The following CR2 variants were observed in gnomAD, a reference collection of about 807,000 sequenced individuals.
CR2 encodes complement C3d receptor 2.
CR2 carries 96 observed loss-of-function variants against 123.0 expected under a neutral mutation model. That is an observed-to-expected ratio of 0.78 (90% CI 0.66 to 0.93). The LOEUF (loss-of-function observed/expected upper bound fraction) is 0.93, where lower values mean the gene tolerates loss of function less well. Among genes scored for constraint, CR2 ranks in the 40% least tolerant of loss-of-function variants. The probability of loss-of-function intolerance (pLI) is 0.00; values close to 1 mark genes in which losing one functional copy is unlikely to be tolerated. For synonymous variants in CR2, 484 were observed against 469.5 expected, an observed-to-expected ratio of 1.03 and a Z score of -0.40; for missense variants, 1,258 against 1,361.0, an observed-to-expected ratio of 0.92 and a Z score of 1.19.
chr1:207,481,693 T>C (rs1425910863), intron 18 of CR2, among the ~76,000 whole-genome samples: 3 of 152,114 alleles, frequency 2.0e-5, no homozygotes, highest in African/African-American at 7.2e-5. Context: ...ATTATTCAGA[T>C]GTTTTGTTAT....
rs1657783900 is a variant in CR2, at chr1:207,454,622, C to T, written c.58+146C>T. 1.6e-6 allele frequency: 1 copy of T among 640,828 alleles called. No individual in the cohort carries two copies. The highest frequency in any genetic ancestry group is 2.6e-6 in the Non-Finnish European group (1 of 381,212). The allele number at this position is 640,828 out of a possible 1,614,324, so 39.7% of individuals were successfully genotyped here. ...GCCTCCCGCTAGCTTTGAGGGACCA[C>T]TGCAATAAACCGCCTGGTCCTGATT... On this transcript the variant is annotated intron_variant, in intron 1 of 19. Transcript: ENST00000367057. The surrounding 1 kb of genome is among the most constrained non-coding windows in gnomAD (Gnocchi z 4.3).
intron 1 of CR2, among the ~76,000 whole-genome samples, chr1:207,462,682 T>C (rs1657996484): frequency 6.6e-6 from 1 of 152,142 alleles, no homozygotes; most frequent in Non-Finnish European, 1.5e-5. Context: ...GACAAAATAG[T>C]TGGTTTGGAG....
Position 207,468,795 on chromosome 1 carries a change from T to C in CR2, c.635-5T>C. 6.2e-7 allele frequency: 1 copy of C among 1,614,074 alleles called. No homozygotes were observed. Among genetic ancestry groups the C allele is most frequent in the Non-Finnish European group, 8.5e-7 (1 of 1,179,940 alleles). ...TGCATTTCTCATCTTTGGTTTGTTT[T>C]TTAGAGGCACGCTGTAAATCTCTAG... On this transcript the variant is annotated splice_polypyrimidine_tract_variant and splice_region_variant and intron_variant, in intron 3 of 19. Transcript: ENST00000367057.
At chr1:207,486,028 C>T (rs572280928) in intron 19 of CR2, among the ~76,000 whole-genome samples, 2 of 151,764 alleles carry the variant, frequency 1.3e-5, no homozygotes, top group Admixed American at 6.6e-5. Flanking sequence ...GTCAAGAGTT[C>T]GAGACCACTC....
chr1:207,474,765 T>A, intron 13 of CR2, 59 bp from the exon 14 acceptor site: 4 of 1,569,874 alleles, frequency 2.5e-6, no homozygotes, highest in Non-Finnish European at 3.5e-6. Flanking sequence ...TGTACCTGAA[T>A]GAAGACCGCT....
chr1:207,472,548 A>T lies in CR2; in HGVS notation c.1571-224A>T, dbSNP rs373078803. Among the ~76,000 whole-genome samples the T allele has an allele frequency of 1.1e-4, 16 of 152,292 alleles. 1 individual carries two copies. Among genetic ancestry groups the T allele is most frequent in the Admixed American group, 4.6e-4 (7 of 15,294 alleles). On this transcript the variant is annotated intron_variant, in intron 9 of 19. Transcript: ENST00000367057. ...CTGGGCCTAACTAACTCCTAATGTG[A>T]TGTTGATCAACCACATTCACTTTGA...
chr1:207,466,756 CCAGGAGG>C lies in CR2; in HGVS notation c.290_296del (p.Pro97HisfsTer16). On this transcript the variant is annotated frameshift_variant, in exon 2 of 20. Coordinates refer to ENST00000367057, the MANE Select transcript of CR2 (RefSeq NM_001006658.3). LOFTEE classifies it high-confidence loss of function. Reference sequence around the variant, plus strand: ...TTCTTCTTGCCCTGAGCCCATAGTACCAGGAGGATACAAAATTAGAGGCTCTACACCC... The same window carrying C: ...TTCTTCTTGCCCTGAGCCCATAGTACATACAAAATTAGAGGCTCTACACCC... 1 of 1,613,846 alleles carries C rather than the reference CCAGGAGG, an allele frequency of 6.2e-7. No individual in the cohort carries two copies. Among genetic ancestry groups the C allele is most frequent in the Non-Finnish European group, 8.5e-7 (1 of 1,179,948 alleles).
At chr1:207,464,991 C>T (rs922573842) in intron 1 of CR2, among the ~76,000 whole-genome samples, 3 of 152,076 alleles carry the variant, frequency 2.0e-5, no homozygotes, top group Admixed American at 2.0e-4. Flanking sequence ...AGTGCAATGG[C>T]GTGATCTTGG....
At position 207,460,405 on chromosome 1, in the gene CR2, C is replaced by G. The variant is rs557494160; in HGVS notation, c.58+5929C>G. ...AGTAGTTTGGGGTCACAGCTAAGGT[C>G]TGGCTGTGTTTTGGGAGCTTTGTGT... On this transcript the variant is annotated intron_variant, in intron 1 of 19. Transcript: ENST00000367057. Among the ~76,000 whole-genome samples the G allele has an allele frequency of 3.2e-4, 49 of 152,276 alleles. 2 individuals carry two copies. In the South Asian group the frequency reaches 1.0e-2, roughly 31 times the overall value.
In CR2 at chr1:207,474,237, G is replaced by A. The variant is rs756677536; in HGVS notation, c.2241-4G>A. On this transcript the variant is annotated splice_region_variant and splice_polypyrimidine_tract_variant and intron_variant, in intron 12 of 19. Transcript: ENST00000367057. ...GAAATGCATTATAATCTGTCTCTCT[G>A]TAGGTACCAGTTGACTGGACATGCT... 1.9e-5 allele frequency: 31 copies of A among 1,607,772 alleles called. No homozygotes were observed. The highest frequency in any genetic ancestry group is 2.3e-5 in the Non-Finnish European group (27 of 1,174,516).
intron 19 of CR2, among the ~76,000 whole-genome samples, chr1:207,487,454 G>C (rs1158829639): frequency 4.6e-5 from 7 of 152,144 alleles, no homozygotes; most frequent in Non-Finnish European, 2.9e-5. Context: ...ATTTGCTGCT[G>C]AACTTGACAA....
rs372675752 is a variant in CR2 at position 207,472,247 on chromosome 1, T to G, written c.1571-525T>G. The stretch of plus-strand genomic sequence containing the variant: ...CTAGGCAACAGCGTGAGACTCCATC[T>G]CAAAAAAAAAAGTAAAAAGAAACGT... On this transcript the variant is annotated intron_variant, in intron 9 of 19. Coordinates refer to ENST00000367057, the MANE Select transcript of CR2 (RefSeq NM_001006658.3). Among the ~76,000 whole-genome samples the G allele has an allele frequency of 5.5e-4, 83 of 151,108 alleles. No individual in the cohort carries two copies. The South Asian group carries it at 0.01, about 19-fold the overall frequency.
chr1:207,479,821 A>G (rs1034306721), intron 17 of CR2, among the ~76,000 whole-genome samples, 157 bp from the exon 18 acceptor site: 1 of 152,156 alleles, frequency 6.6e-6, no homozygotes, highest in Non-Finnish European at 1.5e-5. Context: ...CTTAAGCTCA[A>G]CTATGATTAT....
chr1:207,465,104 T>C (rs1351856718), intron 1 of CR2, among the ~76,000 whole-genome samples: 1 of 152,050 alleles, frequency 6.6e-6, no homozygotes, highest in Non-Finnish European at 1.5e-5. Context: ...CTAATTTTTG[T>C]ATTTTTGTAG....
At chr1:207,473,241 C>G in intron 10 of CR2, 62 bp downstream of exon 10, 4 of 1,584,000 alleles carry the variant, frequency 2.5e-6, no homozygotes, top group Non-Finnish European at 3.4e-6. Context: ...TTTATTATCT[C>G]CCACCCAAAA....
At position 207,472,785 on chromosome 1, in the gene CR2, AC is replaced by A; in HGVS notation, c.1586del (p.Pro529HisfsTer15). The A allele has an allele frequency of 6.2e-7, 1 of 1,613,792 alleles. No individual in the cohort carries two copies. Among genetic ancestry groups the A allele is most frequent in the South Asian group, 1.1e-5 (1 of 91,072 alleles). The stretch of plus-strand genomic sequence containing the variant: ...TCATCTCTCTAGAAATCACCTGCCC[AC>A]CACCCCCTGTTATCTACAATGGGGC... ...IRLCKEITCP[P>X]PPVIYNGAHT... On this transcript the variant is annotated frameshift_variant, in exon 10 of 20. Transcript: ENST00000367057. LOFTEE classifies it high-confidence loss of function.
Position 207,454,771 on chromosome 1 carries a change from C to A in CR2, c.58+295C>A. 2.6e-6 allele frequency: 1 copy of A among 390,564 alleles called. No individual in the cohort carries two copies. Among genetic ancestry groups the A allele is most frequent in the Admixed American group, 4.3e-5 (1 of 23,428 alleles). 24.2% of individuals were successfully genotyped at this position (390,564 alleles called of 1,614,324 possible). On this transcript the variant is annotated intron_variant, in intron 1 of 19. Transcript: ENST00000367057. This position sits in a 1 kb window ranked among gnomAD's most constrained non-coding sequence, Gnocchi z 4.3. ...GGTGCTCGCGGTCTCCTGCCGGGCT[C>A]CCCGCCCCCAGGATTCTGCAGGTGC... is the stretch of plus-strand genomic sequence containing the variant.
At chr1:207,458,365 T>C (rs1022542105) in intron 1 of CR2, among the ~76,000 whole-genome samples, 6 of 152,184 alleles carry the variant, frequency 3.9e-5, no homozygotes, top group African/African-American at 1.4e-4. Context: ...AGAATATTCC[T>C]TTAAAAATGT....
intron 4 of CR2, 93 bp from the exon 5 acceptor site, chr1:207,469,057 A>G: frequency 7.4e-7 from 1 of 1,358,416 alleles, no homozygotes; most frequent in South Asian, 1.2e-5. Context: ...ATGCACACTG[A>G]TTGAAATGAA....
Sources: allele counts gnomAD v4.1 joint callset (sites outside exome capture counted in the v4.1 genomes callset), GRCh38; gene constraint gnomAD v4.1.1; non-coding constraint Gnocchi (gnomAD v3.1); transcripts MANE v1.5; gene names NCBI Gene and HGNC (gene_info 2026-07-23, HGNC 2026-07-21).